The following PCDHGA4 variants were observed in gnomAD, a reference collection of about 807,000 sequenced individuals.
PCDHGA4 encodes protocadherin gamma subfamily A, 4, also known as protocadherin gamma-A4.
PCDHGA4 carries 38 observed loss-of-function variants against 54.6 expected under a neutral mutation model. The ratio of observed to expected loss-of-function variants is 0.70; its 90% CI spans 0.54 to 0.91. The LOEUF is 0.91. PCDHGA4 is among the 40% of genes least tolerant of loss of function. The pLI is 0.00. For missense variants in PCDHGA4, 1,298 were observed against 1,220.9 expected, an observed-to-expected ratio of 1.06 and a Z score of -0.94; for synonymous variants, 511 against 512.9, an observed-to-expected ratio of 1.00 and a Z score of 0.05.
At position 141,356,501 on chromosome 5, in the gene PCDHGA4, C is replaced by T; in HGVS notation, c.1394C>T (p.Thr465Ile). 6.2e-7 allele frequency: 1 copy of T among 1,614,014 alleles called. No homozygotes were observed. The highest frequency in any genetic ancestry group is 8.5e-7 in the Non-Finnish European group (1 of 1,179,894). ...ATDQGTPPLS[T>I]ETHISLQVMD... ...GACCAGGGAACTCCTCCACTGTCTA[C>T]AGAAACTCATATTTCACTGCAAGTG... The change falls in exon 1 of 4, where the codon ACA becomes ATA. Residue 465 changes from threonine (T) to isoleucine (I), a missense_variant. Transcript: ENST00000571252.
At chr5:141,430,986 C>T (rs549700048) in intron 1 of PCDHGA4, 3 of 1,613,762 alleles carry the variant, frequency 1.9e-6, no homozygotes, top group East Asian at 2.2e-5. Flanking sequence ...CAGCTTTTCG[C>T]CCTGAATCCG....
At chr5:141,417,700 A>G in intron 1 of PCDHGA4, 1 of 1,180,094 alleles carries the variant, frequency 8.5e-7, no homozygotes, top group Admixed American at 3.0e-5. Flanking sequence ...ACCAGCTCCC[A>G]CACAGAGGCT....
intron 1 of PCDHGA4, chr5:141,427,685 C>T: frequency 1.2e-6 from 1 of 852,116 alleles, no homozygotes; most frequent in Non-Finnish European, 1.9e-6. Context: ...TTCCCGGAGC[C>T]TCCATCCCAC....
chr5:141,506,372 C>A (rs1243713695), intron 3 of PCDHGA4, among the ~76,000 whole-genome samples: 1 of 151,402 alleles, frequency 6.6e-6, no homozygotes, highest in Non-Finnish European at 1.5e-5. Context: ...TCGCTTGAAC[C>A]TGGGAGGTGG....
At chr5:141,365,109 G>T in intron 1 of PCDHGA4, 1 of 1,613,846 alleles carries the variant, frequency 6.2e-7, no homozygotes, top group African/African-American at 1.3e-5. Flanking sequence ...GTGGGCACTC[G>T]GCTGCTCATG....
At chr5:141,434,920 A>G (rs927245955) in intron 1 of PCDHGA4, among the ~76,000 whole-genome samples, 3 of 151,796 alleles carry the variant, frequency 2.0e-5, no homozygotes, top group East Asian at 1.9e-4. Flanking sequence ...ATTTATGTAC[A>G]TATATTTTAT....
chr5:141,376,483 G>C (rs139873493), intron 1 of PCDHGA4: 3 of 1,614,058 alleles, frequency 1.9e-6, no homozygotes, highest in East Asian at 2.2e-5. Context: ...TACTTGAAAC[G>C]AAAGGAGAAC....
At chr5:141,413,993 G>A (rs756042576) in intron 1 of PCDHGA4, 2 of 1,613,486 alleles carry the variant, frequency 1.2e-6, no homozygotes, top group Non-Finnish European at 1.7e-6. Context: ...GCCACCGACA[G>A]GGACGAAGGT....
At chr5:141,426,621 C>G (rs984316174) in intron 1 of PCDHGA4, 1 of 392,280 alleles carries the variant, frequency 2.5e-6, no homozygotes, top group Non-Finnish European at 5.2e-6. Flanking sequence ...AGAGAATCCT[C>G]TAAATGTTTT....
intron 1 of PCDHGA4, among the ~76,000 whole-genome samples, chr5:141,465,347 G>A (rs2099101721): frequency 6.6e-6 from 1 of 151,938 alleles, no homozygotes; most frequent in South Asian, 2.1e-4. Context: ...GGTTACTGAA[G>A]AAAAAATGGG....
chr5:141,403,753 C>T lies in PCDHGA4; in HGVS notation c.2514+46132C>T, dbSNP rs767515334. 1.5e-5 allele frequency: 25 copies of T among 1,613,504 alleles called. No homozygotes were observed. In the South Asian group the frequency reaches 2.6e-4, roughly 17 times the overall value. On this transcript the variant is annotated intron_variant, in intron 1 of 3. Transcript: ENST00000571252. ...CCTGGCTGCTTACTGCAACAGCCAG[C>T]GACCTGGATGAGGGAATCAACGGAA...
At chr5:141,466,324 C>A (rs2154569179) in intron 1 of PCDHGA4, among the ~76,000 whole-genome samples, 1 of 152,218 alleles carries the variant, frequency 6.6e-6, no homozygotes, top group East Asian at 1.9e-4. Context: ...GCACATGCTA[C>A]CATGCCTGGA....
rs200348921 is a variant in PCDHGA4 at position 141,374,104 on chromosome 5, T to G, written c.2514+16483T>G. 296 of 1,570,490 alleles carry G rather than the reference T, an allele frequency of 1.9e-4. No individual in the cohort carries two copies. Among genetic ancestry groups the G allele is most frequent in the Non-Finnish European group, 2.4e-4 (283 of 1,156,394 alleles). On this transcript the variant is annotated intron_variant, in intron 1 of 3. Transcript: ENST00000571252. ...CAGTAATGGCGCCTCCGCAGAGGCA[T>G]CCGCAGCGCAGCGAGCAGGTCCTGC...
intron 1 of PCDHGA4, chr5:141,433,010 C>A (rs1392666523): frequency 6.2e-7 from 1 of 1,614,178 alleles, no homozygotes. Flanking sequence ...GGCTTTCCTG[C>A]AGACCTATTC....
chr5:141,430,655 G>C (rs1309165721), intron 1 of PCDHGA4: 2 of 1,085,056 alleles, frequency 1.8e-6, no homozygotes, highest in Non-Finnish European at 2.6e-6. Flanking sequence ...TGGAAACAAC[G>C]GAGGAGCTCT....
At position 141,397,472 on chromosome 5, in the gene PCDHGA4, A is replaced by T. The variant is rs548612657; in HGVS notation, c.2514+39851A>T. 6.6e-4 allele frequency among the ~76,000 whole-genome samples: 100 copies of T among 152,362 alleles called. 1 individual carries two copies. Among genetic ancestry groups the T allele is most frequent in the African/African-American group, 2.4e-3 (99 of 41,586 alleles). ...AACACTAGAAATATTGGGGAGTTGG[A>T]AATCATAGAAATGAACAGAAGAATG... On this transcript the variant is annotated intron_variant, in intron 1 of 3. Coordinates refer to ENST00000571252, the MANE Select transcript of PCDHGA4 (RefSeq NM_018917.4).
rs753577656 is a variant in PCDHGA4, at chr5:141,361,905, G to A, written c.2514+4284G>A. 4 of 1,609,114 alleles carry A rather than the reference G, an allele frequency of 2.5e-6. No homozygotes were observed. In the South Asian group the frequency reaches 4.4e-5, roughly 18 times the overall value. ...CAGAGCCCGGCTACCTGGTGACCAA[G>A]GTGGTGGCGGTGGACGCAGACTCAG... On this transcript the variant is annotated intron_variant, in intron 1 of 3. Coordinates refer to ENST00000571252, the MANE Select transcript of PCDHGA4 (RefSeq NM_018917.4).
In PCDHGA4 at chr5:141,415,247, C is replaced by T. The variant is rs181239359; in HGVS notation, c.2514+57626C>T. The stretch of plus-strand genomic sequence containing the variant: ...GAGTCTCCAGCTAACTCTGAAACCT[C>T]AGACCTCACTCTGTACCTGGTGGTA... On this transcript the variant is annotated intron_variant, in intron 1 of 3. Transcript: ENST00000571252. 958 of 1,614,210 alleles carry T rather than the reference C, an allele frequency of 5.9e-4. 13 individuals are homozygous for T. The East Asian group carries it at 0.015, about 25-fold the overall frequency.
At position 141,431,493 on chromosome 5, in the gene PCDHGA4, C is replaced by G. The variant is rs1281626711; in HGVS notation, c.2515-63314C>G. On this transcript the variant is annotated intron_variant, in intron 1 of 3. Transcript: ENST00000571252. The surrounding 1 kb of genome is among the most constrained non-coding windows in gnomAD (Gnocchi z 4.8). ...GACAACGCACCAGCGTTTGCTCAGC[C>G]CGAGTACCGCGCGAGCGTTCCGGAG... 1 of 1,613,994 alleles carries G rather than the reference C, an allele frequency of 6.2e-7. No individual in the cohort carries two copies. The highest frequency in any genetic ancestry group is 8.5e-7 in the Non-Finnish European group (1 of 1,180,042).
Sources: allele counts gnomAD v4.1 joint callset (sites outside exome capture counted in the v4.1 genomes callset), GRCh38; gene constraint gnomAD v4.1.1; non-coding constraint Gnocchi (gnomAD v3.1); transcripts MANE v1.5; gene names NCBI Gene and HGNC (gene_info 2026-07-23, HGNC 2026-07-21).